Variants in AUTS2 observed in about 807,000 individuals in gnomAD.
The protein encoded by AUTS2 is autism susceptibility gene 2 protein.
In AUTS2, 17 loss-of-function variants were observed where a neutral mutation model predicts 112.4. The ratio of observed to expected loss-of-function variants is 0.15; its 90% CI spans 0.10 to 0.23. The LOEUF (loss-of-function observed/expected upper bound fraction) is 0.23, where lower values mean the gene tolerates loss of function less well. Among genes scored for constraint, AUTS2 ranks in the 10% least tolerant of loss-of-function variants. The pLI is 1.00. For synonymous variants in AUTS2, 751 were observed against 702.7 expected, an observed-to-expected ratio of 1.07 and a Z score of -1.09; for missense variants, 1,510 against 1,701.6, an observed-to-expected ratio of 0.89 and a Z score of 1.98.
chr7:70,338,894 A>G (rs201120245), intron 4 of AUTS2, among the ~76,000 whole-genome samples: 1 of 149,684 alleles, frequency 6.7e-6, no homozygotes, highest in Non-Finnish European at 1.5e-5. Flanking sequence ...ACAGAGTCTC[A>G]CTCTGTTGCC....
chr7:70,606,807 A>G (rs1168317900), intron 5 of AUTS2, among the ~76,000 whole-genome samples: 2 of 148,864 alleles, frequency 1.3e-5, no homozygotes, highest in Non-Finnish European at 3.0e-5. Context: ...GGTTGCAGTG[A>G]GTCGAGATTG....
chr7:70,102,894 A>G (rs1395446472), intron 2 of AUTS2, among the ~76,000 whole-genome samples: 1 of 152,188 alleles, frequency 6.6e-6, no homozygotes, highest in Non-Finnish European at 1.5e-5. Flanking sequence ...AAGAAATTTG[A>G]GAGAGTATTG....
intron 1 of AUTS2, among the ~76,000 whole-genome samples, chr7:69,831,316 C>T (rs1791491014): frequency 6.6e-6 from 1 of 152,188 alleles, no homozygotes; most frequent in African/African-American, 2.4e-5. Flanking sequence ...GTTAACTGCC[C>T]TCATAGAGGC....
At chr7:70,445,195 T>G (rs1796273349) in intron 5 of AUTS2, among the ~76,000 whole-genome samples, 1 of 152,174 alleles carries the variant, frequency 6.6e-6, no homozygotes, top group South Asian at 2.1e-4. Context: ...CAAGCAGGTG[T>G]CATTGTTTTA....
intron 18 of AUTS2, among the ~76,000 whole-genome samples, chr7:70,789,330 C>T (rs1392916326): frequency 1.3e-5 from 2 of 152,174 alleles, no homozygotes; most frequent in African/African-American, 4.8e-5. Context: ...TGATACTGGG[C>T]GTTGGGCTCT....
intron 1 of AUTS2, among the ~76,000 whole-genome samples, chr7:69,775,834 C>G (rs1167189578): frequency 6.6e-6 from 1 of 152,152 alleles, no homozygotes; most frequent in East Asian, 1.9e-4. Flanking sequence ...GAGTGGGTGT[C>G]AGAATGTCAT....
intron 2 of AUTS2, among the ~76,000 whole-genome samples, chr7:69,985,902 C>T (rs947484011): frequency 3.3e-5 from 5 of 152,034 alleles, no homozygotes; most frequent in Non-Finnish European, 7.4e-5. Flanking sequence ...ACTACAGGCA[C>T]GTGCCACCAT....
intron 2 of AUTS2, among the ~76,000 whole-genome samples, chr7:70,117,788 G>A (rs868653102): frequency 4.7e-5 from 7 of 149,382 alleles, no homozygotes; most frequent in South Asian, 2.1e-4. Context: ...TAACGCTGTC[G>A]CCCAGTCTGG....
chr7:69,959,657 C>T (rs146304217), intron 2 of AUTS2, among the ~76,000 whole-genome samples: 183 of 152,176 alleles, frequency 1.2e-3, no homozygotes, highest in African/African-American at 4.1e-3. Context: ...AAAAGCTTTA[C>T]GTCTCTTATC....
rs3049737 is a variant in AUTS2 at position 70,081,935 on chromosome 7, A to AGTGT, written c.523-36169_523-36166dup. The stretch of plus-strand genomic sequence containing the variant: ...AAAAACGGTAGATTTTTCTGTGAAG[A>AGTGT]GTGTGTGTGTGTGTGTGTGTGTGTG... On this transcript the variant is annotated intron_variant, in intron 2 of 18. Transcript: ENST00000342771. Among the ~76,000 whole-genome samples the AGTGT allele has an allele frequency of 5.4e-3, 792 of 146,866 alleles. 8 individuals carry two copies. The highest frequency in any genetic ancestry group is 0.034 in the Middle Eastern group (10 of 290).
chr7:69,687,776 A>G (rs1017625776), intron 1 of AUTS2, among the ~76,000 whole-genome samples: 1 of 152,178 alleles, frequency 6.6e-6, no homozygotes, highest in Non-Finnish European at 1.5e-5. Flanking sequence ...TTTATTTACC[A>G]ACCCTCTTAA....
intron 4 of AUTS2, among the ~76,000 whole-genome samples, chr7:70,302,344 G>A (rs868316730): frequency 1.3e-5 from 2 of 151,982 alleles, no homozygotes; most frequent in African/African-American, 4.8e-5. Flanking sequence ...GATTGAGGCT[G>A]CAGTGAGCTA....
At chr7:70,674,078 G>C (rs375359366) in intron 5 of AUTS2, among the ~76,000 whole-genome samples, 1 of 152,102 alleles carries the variant, frequency 6.6e-6, no homozygotes, top group African/African-American at 2.4e-5. Flanking sequence ...CCACTGGGCC[G>C]CATTACCTGG....
intron 2 of AUTS2, among the ~76,000 whole-genome samples, chr7:69,918,991 G>C (rs565974954): frequency 6.6e-6 from 1 of 152,180 alleles, no homozygotes; most frequent in South Asian, 2.1e-4. Context: ...GCTACTCTTG[G>C]GGGTAGAAAT....
rs530004679 is a variant in AUTS2, at chr7:70,657,263, A to G, written c.691-41306A>G. On this transcript the variant is annotated intron_variant, in intron 5 of 18. Coordinates refer to ENST00000342771, the MANE Select transcript of AUTS2 (RefSeq NM_015570.4). ...TACTCGGTTTTGCATGCAAGGATAC[A>G]TTATACAAGAAAATTCCATCGAGAT... Among the ~76,000 whole-genome samples, 8 of 152,328 alleles carry G rather than the reference A, an allele frequency of 5.3e-5. No homozygotes were observed. The South Asian group carries it at 1.0e-3, about 20-fold the overall frequency.
At chr7:70,355,044 A>ATG (rs757470657) in intron 4 of AUTS2, among the ~76,000 whole-genome samples, 33 of 132,144 alleles carry the variant, frequency 2.5e-4, no homozygotes, top group African/African-American at 7.8e-4. Flanking sequence ...GTGTGTATGT[A>ATG]TGTGTGTGTG....
chr7:70,685,544 G>A (rs937790975), intron 5 of AUTS2, among the ~76,000 whole-genome samples: 1 of 150,298 alleles, frequency 6.7e-6, no homozygotes, highest in African/African-American at 2.5e-5. Context: ...CCCTCAAACT[G>A]AGCTGAAATG....
chr7:70,279,928 A>G (rs561858503), intron 4 of AUTS2, among the ~76,000 whole-genome samples: 1 of 152,328 alleles, frequency 6.6e-6, no homozygotes, highest in South Asian at 2.1e-4. Flanking sequence ...TAAAGACCAC[A>G]AACTTTAGAA....
chr7:70,116,544 A>G (rs1805365428), intron 2 of AUTS2, among the ~76,000 whole-genome samples: 1 of 152,150 alleles, frequency 6.6e-6, no homozygotes, highest in African/African-American at 2.4e-5. Context: ...GTCTAGAAAA[A>G]TGGAGCTTAT....
Sources: allele counts gnomAD v4.1 joint callset (sites outside exome capture counted in the v4.1 genomes callset), GRCh38; gene constraint gnomAD v4.1.1; transcripts MANE v1.5; gene names NCBI Gene and HGNC (gene_info 2026-07-23, HGNC 2026-07-21).